The following NRG2 variants were observed in gnomAD, a reference collection of about 807,000 sequenced individuals.
NRG2 encodes pro-neuregulin-2, membrane-bound isoform.
NRG2 carries 27 observed loss-of-function variants against 73.9 expected under a neutral mutation model. The ratio of observed to expected loss-of-function variants is 0.37; its 90% CI spans 0.27 to 0.50. The LOEUF is 0.50. Among genes scored for constraint, NRG2 ranks in the 20% least tolerant of loss-of-function variants. NRG2 has a pLI of 0.96. For missense variants in NRG2, 1,126 were observed against 1,210.1 expected (o/e 0.93, Z 1.03); for synonymous variants, 532 against 541.0 (o/e 0.98, Z 0.23).
At chr5:140,007,985 A>G (rs1476991061) in intron 1 of NRG2, among the ~76,000 whole-genome samples, 2 of 152,198 alleles carry the variant, frequency 1.3e-5, no homozygotes, top group East Asian at 3.9e-4. Context: ...TATTCCTTAC[A>G]GCATCTCAGT....
At chr5:139,991,206 G>A (rs1485228319) in intron 1 of NRG2, among the ~76,000 whole-genome samples, 1 of 151,988 alleles carries the variant, frequency 6.6e-6, no homozygotes, top group African/African-American at 2.4e-5. Flanking sequence ...AATCCCGGAG[G>A]CAGAGGTTTC....
rs964038076 is a variant in NRG2 at position 140,008,499 on chromosome 5, C to G, written c.700+33871G>C. On this transcript the variant is annotated intron_variant, in intron 1 of 9. Transcript: ENST00000361474. This position sits in a 1 kb window ranked among gnomAD's most constrained non-coding sequence, Gnocchi z 4.2. ...CCCACTTCTGGGATTGCTTAGAGAT[C>G]CCTTACTCCTTACTAAACCAAGTTT... Among the ~76,000 whole-genome samples, 1 of 152,184 alleles carries G rather than the reference C, an allele frequency of 6.6e-6. No individual in the cohort carries two copies. Among genetic ancestry groups the G allele is most frequent in the African/African-American group, 2.4e-5 (1 of 41,438 alleles).
Position 140,035,527 on chromosome 5 carries a change from T to C in NRG2, c.700+6843A>G, listed in dbSNP as rs144752322. The stretch of plus-strand genomic sequence containing the variant: ...TTTGTTGAAGCAAACATTGAAAAGA[T>C]TGAATTAAAAGAAAGTTATTTTTGT... On this transcript the variant is annotated intron_variant, in intron 1 of 9. Transcript: ENST00000361474. Among the ~76,000 whole-genome samples, 5 of 152,336 alleles carry C rather than the reference T, an allele frequency of 3.3e-5. No homozygotes were observed. In the East Asian group the frequency reaches 9.6e-4, roughly 29 times the overall value.
Position 139,943,755 on chromosome 5 carries a change from T to A in NRG2, c.701-56244A>T, listed in dbSNP as rs192176929. On this transcript the variant is annotated intron_variant, in intron 1 of 9. Coordinates refer to ENST00000361474, the MANE Select transcript of NRG2 (RefSeq NM_004883.3). Reference sequence around the variant, plus strand: ...GGATGCACCAGTAATAAAAATAAAATGAAATACCACAGTATAGTGATACAC... The same window carrying A: ...GGATGCACCAGTAATAAAAATAAAAAGAAATACCACAGTATAGTGATACAC... 2.5e-3 allele frequency among the ~76,000 whole-genome samples: 376 copies of A among 152,294 alleles called. 3 individuals are homozygous for A. The highest frequency in any genetic ancestry group is 8.4e-3 in the African/African-American group (348 of 41,564).
intron 1 of NRG2, among the ~76,000 whole-genome samples, chr5:140,004,963 CA>C (rs1207511171): frequency 6.6e-6 from 1 of 152,100 alleles, no homozygotes; most frequent in East Asian, 1.9e-4. Flanking sequence ...AAATTAATTC[CA>C]AAAAATGTTT....
Position 139,868,859 on chromosome 5 carries a change from G to A in NRG2, c.1112+2862C>T, listed in dbSNP as rs1309082014. Among the ~76,000 whole-genome samples, 1 of 152,026 alleles carries A rather than the reference G, an allele frequency of 6.6e-6. No homozygotes were observed. Among genetic ancestry groups the A allele is most frequent in the Non-Finnish European group, 1.5e-5 (1 of 67,974 alleles). On this transcript the variant is annotated intron_variant, in intron 4 of 9. Coordinates refer to ENST00000361474, the MANE Select transcript of NRG2 (RefSeq NM_004883.3). The surrounding 1 kb of genome is among the most constrained non-coding windows in gnomAD (Gnocchi z 4.2). Reference sequence around the variant, plus strand: ...GATGGGGAATCACCTGGACATGGGTGGGGTAGGGGCAGAGGGATGAGGGGG... The same window carrying A: ...GATGGGGAATCACCTGGACATGGGTAGGGTAGGGGCAGAGGGATGAGGGGG...
chr5:140,042,583 C>A lies in NRG2; in HGVS notation c.487G>T (p.Val163Leu). ...CTCCGGAGCGGCCACTTGTCCAGCA[C>A]CTTTACCAACGCCACCCGACCCGAG... ...PASGRVALVK[V>L]LDKWPLRSGG... The change falls in exon 1 of 10, where the codon GTG becomes TTG. Residue 163 changes from valine to leucine, a missense_variant. Physicochemically the swap from Val to Leu is conservative, Grantham distance 32. Transcript: ENST00000361474. 6.2e-7 allele frequency: 1 copy of A among 1,612,616 alleles called. No individual in the cohort carries two copies. Among genetic ancestry groups the A allele is most frequent in the Non-Finnish European group, 8.5e-7 (1 of 1,179,698 alleles).
intron 1 of NRG2, among the ~76,000 whole-genome samples, chr5:140,017,304 T>C (rs1359095603): frequency 6.6e-6 from 1 of 152,106 alleles, no homozygotes; most frequent in African/African-American, 2.4e-5. Flanking sequence ...CACTGGGGCA[T>C]GTCCAGTTTG....
chr5:140,015,480 T>C (rs1449908948), intron 1 of NRG2, among the ~76,000 whole-genome samples: 2 of 152,208 alleles, frequency 1.3e-5, no homozygotes, highest in African/African-American at 4.8e-5. Flanking sequence ...ATATTCATCT[T>C]TGTGTCCCCA....
chr5:139,989,901 G>C (rs963813758), intron 1 of NRG2, among the ~76,000 whole-genome samples: 4 of 151,156 alleles, frequency 2.6e-5, no homozygotes, highest in Non-Finnish European at 5.9e-5. Flanking sequence ...CCATTCTCCT[G>C]CCTCAGCCTC....
At chr5:139,912,024 T>C (rs1750861665) in intron 1 of NRG2, among the ~76,000 whole-genome samples, 1 of 152,102 alleles carries the variant, frequency 6.6e-6, no homozygotes, top group Non-Finnish European at 1.5e-5. Flanking sequence ...CCAGAAACAG[T>C]TGTCCCCCGC....
rs149093144 is a variant in NRG2 at position 139,848,111 on chromosome 5, C to A, written c.2359G>T (p.Ala787Ser). ...SDDDADDADG[A>S]LAAESTPFLG... ...AAAGGTGTGCTCTCGGCCGCCAGCG[C>A]CCCGTCCGCGTCGTCCGCGTCGTCG... The change falls in exon 10 of 10, where the codon GCG (alanine) becomes TCG (serine). Residue 787 changes from alanine to serine, a missense_variant. Transcript: ENST00000361474. The A allele has an allele frequency of 3.0e-5, 45 of 1,476,266 alleles. No individual in the cohort carries two copies. Among genetic ancestry groups the A allele is most frequent in the African/African-American group, 4.4e-5 (3 of 68,178 alleles). 91.4% of individuals were successfully genotyped at this position (1,476,266 alleles called of 1,614,324 possible).
Position 140,042,644 on chromosome 5 carries a change from G to A in NRG2, c.426C>T (p.Gly142=). The A allele has an allele frequency of 6.3e-7, 1 of 1,599,604 alleles. No individual in the cohort carries two copies. The highest frequency in any genetic ancestry group is 1.1e-5 in the South Asian group (1 of 89,328). ...CTCGGGTGCTGTTGGAGCTGGAGCC[G>A]CCGGCTGGGACCAGCCCCTGTACCT... ...EGKVQGLVPA[G]GSSSNSTREP... is the part of the protein sequence containing the mutation. Residue 142 remains glycine, a synonymous_variant, in exon 1 of 10, where the codon GGC becomes GGT. Transcript: ENST00000361474.
At chr5:139,956,057 C>T (rs142555682) in intron 1 of NRG2, among the ~76,000 whole-genome samples, 4 of 152,262 alleles carry the variant, frequency 2.6e-5, no homozygotes, top group Non-Finnish European at 5.9e-5. Context: ...AGGTGGGACC[C>T]CCTGTGGGGC....
rs1248869687 is a variant in NRG2 at position 140,004,553 on chromosome 5, A to G, written c.700+37817T>C. 2.0e-5 allele frequency among the ~76,000 whole-genome samples: 3 copies of G among 152,230 alleles called. No homozygotes were observed. The South Asian group carries it at 6.2e-4, about 31-fold the overall frequency. ...ATCATTTCTGAATTAATCTCACCAA[A>G]AAGGCATAAGTTCACTTCAATAATG... On this transcript the variant is annotated intron_variant, in intron 1 of 9. Coordinates refer to ENST00000361474, the MANE Select transcript of NRG2 (RefSeq NM_004883.3).
chr5:140,002,667 C>G (rs1426692643), intron 1 of NRG2, among the ~76,000 whole-genome samples: 1 of 152,180 alleles, frequency 6.6e-6, no homozygotes, highest in Non-Finnish European at 1.5e-5. Flanking sequence ...CAGTCATCAA[C>G]TCTGGGTGAG....
At chr5:140,016,251 T>C (rs191288425) in intron 1 of NRG2, among the ~76,000 whole-genome samples, 1 of 152,306 alleles carries the variant, frequency 6.6e-6, no homozygotes, top group Non-Finnish European at 1.5e-5. Flanking sequence ...GTTGTAACTC[T>C]GCTACTGTCC....
At position 140,042,869 on chromosome 5, in the gene NRG2, C is replaced by T. The variant is rs1039218355; in HGVS notation, c.201G>A (p.Pro67=). 129 of 1,507,638 alleles carry T rather than the reference C, an allele frequency of 8.6e-5. No individual in the cohort carries two copies. Among genetic ancestry groups the T allele is most frequent in the Non-Finnish European group, 1.1e-4 (124 of 1,130,750 alleles). The allele number at this position is 1,507,638 out of a possible 1,614,324, so 93.4% of individuals were successfully genotyped here. A position where few individuals can be genotyped will look rare whatever the true frequency, so the allele number is the denominator to read the frequency against. ...GGCTGCGGGGCTGCGGCTGTTGCTGCGGCCGCGGCTCTGGGGGCGCAGCGG... is the reference window on the plus strand; with the variant it reads ...GGCTGCGGGGCTGCGGCTGTTGCTGTGGCCGCGGCTCTGGGGGCGCAGCGG... ...SRPAAPPEPR[P]QQQPQPRSPA... Residue 67 remains proline, a synonymous_variant, in exon 1 of 10, where the codon CCG becomes CCA. Coordinates refer to ENST00000361474, the MANE Select transcript of NRG2 (RefSeq NM_004883.3).
intron 1 of NRG2, 23 bp downstream of exon 1, chr5:140,042,347 A>C: frequency 7.6e-7 from 1 of 1,313,522 alleles, no homozygotes; most frequent in Non-Finnish European, 1.0e-6. Flanking sequence ...CCCTTTCTCC[A>C]GCAAAGGGAG....
Sources: allele counts gnomAD v4.1 joint callset (sites outside exome capture counted in the v4.1 genomes callset), GRCh38; gene constraint gnomAD v4.1.1; non-coding constraint Gnocchi (gnomAD v3.1); transcripts MANE v1.5; gene names NCBI Gene and HGNC (gene_info 2026-07-23, HGNC 2026-07-21).